The following ZNF469 variants were observed in gnomAD, a reference collection of about 807,000 sequenced individuals.
The protein encoded by ZNF469 is zinc finger protein 469.
ZNF469 carries 1 observed loss-of-function variant against 1.0 expected under a neutral mutation model. That is an observed-to-expected ratio of 1.00 (90% CI 0.35 to 4.73). The LOEUF is 4.73. Ranked by LOEUF, ZNF469 falls within the 30% of genes most tolerant of loss-of-function variation. ZNF469 has a pLI of 0.16. For synonymous variants in ZNF469, 2,703 were observed against 2,363.4 expected (o/e 1.14, Z -4.17); for missense variants, 6,100 against 5,356.3 (o/e 1.14, Z -4.33).
At chr16:88,249,237 A>AC in the ZNF469 span, among the ~76,000 whole-genome samples, 1 of 147,810 alleles carries the variant, frequency 6.8e-6, no homozygotes. Context: ...AAAAAAAAAA[A>AC]GAAAGAAAGA....
chr16:88,294,720 T>A, the ZNF469 span: 2 of 152,240 alleles, frequency 1.3e-5, no homozygotes, highest in Admixed American at 1.3e-4. Context: ...TCTTTGTAGA[T>A]CGTGGCTGAG....
At chr16:88,154,863 G>A in the ZNF469 span, among the ~76,000 whole-genome samples, 1 of 152,262 alleles carries the variant, frequency 6.6e-6, no homozygotes, top group African/African-American at 2.4e-5. Context: ...TCCAGATCAT[G>A]GGCTTTTTTC....
chr16:88,329,625 C>G, the ZNF469 span, among the ~76,000 whole-genome samples: 1 of 152,190 alleles, frequency 6.6e-6, no homozygotes, highest in African/African-American at 2.4e-5. Flanking sequence ...ATCCTGGGAG[C>G]GCTTCGGTCC....
chr16:88,422,968 G>C (rs1242871389), intron 1 of ZNF469, among the ~76,000 whole-genome samples: 2 of 150,062 alleles, frequency 1.3e-5, no homozygotes, highest in Admixed American at 1.3e-4. Context: ...TGGATGGATG[G>C]ATTAATGGAT....
the ZNF469 span, among the ~76,000 whole-genome samples, chr16:88,166,064 C>A: frequency 1.3e-5 from 2 of 152,266 alleles, no homozygotes; most frequent in African/African-American, 4.8e-5. This position sits in a 1 kb window ranked among gnomAD's most constrained non-coding sequence, Gnocchi z 4.5. Context: ...GTGAGGAGGC[C>A]GACCCTTGTC....
upstream of ZNF469, among the ~76,000 whole-genome samples, chr16:88,380,977 CAT>C (rs1460596553): frequency 2.8e-5 from 4 of 141,282 alleles, no homozygotes; most frequent in African/African-American, 5.5e-5. Context: ...TGCACTCACA[CAT>C]ATGCACTCAC....
intron 1 of ZNF469, among the ~76,000 whole-genome samples, chr16:88,417,806 G>A (rs986678915): frequency 6.6e-6 from 1 of 152,226 alleles, no homozygotes; most frequent in African/African-American, 2.4e-5. Flanking sequence ...ATAGAAATGA[G>A]GCCCCAAAGC....
the ZNF469 span, among the ~76,000 whole-genome samples, chr16:88,162,742 C>A: frequency 6.6e-6 from 1 of 150,906 alleles, no homozygotes; most frequent in African/African-American, 2.4e-5. Context: ...GTGTGTCATA[C>A]ATCACATTTG....
chr16:88,418,233 G>A (rs930757498), intron 1 of ZNF469, among the ~76,000 whole-genome samples: 4 of 152,234 alleles, frequency 2.6e-5, no homozygotes, highest in African/African-American at 9.6e-5. Flanking sequence ...CATCTACAGA[G>A]CCGGGACCAA....
the ZNF469 span, among the ~76,000 whole-genome samples, chr16:88,105,467 G>C: frequency 6.6e-6 from 1 of 152,164 alleles, no homozygotes; most frequent in South Asian, 2.1e-4. Context: ...ACCACGCCCA[G>C]CTAATTTTCG....
At chr16:88,347,647 A>T in the ZNF469 span, among the ~76,000 whole-genome samples, 3 of 152,144 alleles carry the variant, frequency 2.0e-5, no homozygotes, top group Admixed American at 1.3e-4. Flanking sequence ...ATCCACCCCG[A>T]TGTGAAGAAC....
chr16:88,240,814 A>G, the ZNF469 span, among the ~76,000 whole-genome samples: 1 of 152,156 alleles, frequency 6.6e-6, no homozygotes, highest in African/African-American at 2.4e-5. Flanking sequence ...TTGTGATGGA[A>G]AAGTCCTTCC....
the ZNF469 span, among the ~76,000 whole-genome samples, chr16:88,134,538 A>G: frequency 6.6e-6 from 1 of 152,208 alleles, no homozygotes; most frequent in Non-Finnish European, 1.5e-5. Flanking sequence ...ATATGTATCT[A>G]TTAGTTATTT....
rs1011775158 is a variant in ZNF469 at position 88,430,948 on chromosome 16, G to A, written c.3478G>A (p.Gly1160Arg). 8.5e-6 allele frequency: 13 copies of A among 1,534,858 alleles called. No individual in the cohort carries two copies. Among genetic ancestry groups the A allele is most frequent in the Admixed American group, 8.0e-5 (4 of 50,072 alleles). ...CCCCGCGAACCCCGAGGAGCCGGGC[G>A]GGTCTCGCCCGGGCCCCGGCAGGAG... ...GAPANPEEPG[G>R]SRPGPGRSPQ... The change falls in exon 3 of 3, where the codon GGG becomes AGG. Residue 1160 changes from glycine to arginine, a missense_variant. By Grantham distance (125) the Gly-to-Arg change is moderately radical. Transcript: ENST00000565624.
the ZNF469 span, among the ~76,000 whole-genome samples, chr16:88,303,664 C>T: frequency 2.6e-5 from 4 of 152,254 alleles, no homozygotes; most frequent in Admixed American, 6.5e-5. Flanking sequence ...GGTGCCTCCA[C>T]TCTCTTCCTA....
At chr16:88,251,298 C>T in the ZNF469 span, among the ~76,000 whole-genome samples, 2 of 151,288 alleles carry the variant, frequency 1.3e-5, no homozygotes, top group Admixed American at 1.3e-4. Context: ...TTCTTGAGCA[C>T]GAGTCACACT....
Position 88,435,200 on chromosome 16 carries a change from G to A in ZNF469, c.7730G>A (p.Ser2577Asn). 1 of 1,550,356 alleles carries A rather than the reference G, an allele frequency of 6.5e-7. No individual in the cohort carries two copies. Among genetic ancestry groups the A allele is most frequent in the Non-Finnish European group, 8.7e-7 (1 of 1,146,978 alleles). ...SPHSQQLHPP[S>N]PTEHEVDVKT... ...CACAGCCAGCAGCTGCACCCTCCAA[G>A]CCCTACTGAGCATGAGGTAGATGTG... The change falls in exon 3 of 3, where the codon AGC becomes AAC. Residue 2577 changes from serine (S) to asparagine (N), a missense_variant. Ser to Asn is a conservative substitution (Grantham distance 46, BLOSUM62 1). Transcript: ENST00000565624.
chr16:88,178,613 A>G, the ZNF469 span: 1 of 152,106 alleles, frequency 6.6e-6, no homozygotes, highest in Non-Finnish European at 1.5e-5. Context: ...CTCTTCCCAG[A>G]GGTTTGTTTT....
intron 1 of ZNF469, among the ~76,000 whole-genome samples, chr16:88,392,320 G>A (rs1252879620): frequency 6.6e-6 from 1 of 152,266 alleles, no homozygotes; most frequent in Admixed American, 6.5e-5. Context: ...TGCACCCAGG[G>A]TCTCTGAGTG....
Sources: gnomAD v4.1 joint callset for allele counts (sites outside exome capture counted in the v4.1 genomes callset) on GRCh38, gnomAD v4.1.1 for gene constraint, Gnocchi (gnomAD v3.1) non-coding constraint, MANE v1.5 for transcripts, NCBI Gene and HGNC (gene_info 2026-07-23, HGNC 2026-07-21) for gene names.